The following CLDN10 variants were observed in gnomAD, a reference collection of about 807,000 sequenced individuals.
CLDN10 encodes claudin-10.
In CLDN10, 15 loss-of-function variants were observed where a neutral mutation model predicts 22.9. That is an observed-to-expected ratio of 0.65 (90% CI 0.44 to 1.01). The LOEUF is 1.01. CLDN10 is among the 50% of genes least tolerant of loss of function. The probability of loss-of-function intolerance (pLI) is 0.00; values close to 1 mark genes in which losing one functional copy is unlikely to be tolerated. For missense variants in CLDN10, 247 were observed against 287.8 expected (o/e 0.86, Z 1.03); for synonymous variants, 114 against 111.4 (o/e 1.02, Z -0.15).
chr13:95,471,246 G>A (rs147106365), intron 1 of CLDN10, among the ~76,000 whole-genome samples: 2 of 152,100 alleles, frequency 1.3e-5, no homozygotes, highest in African/African-American at 2.4e-5. Context: ...TGGAGTGACT[G>A]TCTCGAGATG....
intron 1 of CLDN10, among the ~76,000 whole-genome samples, chr13:95,498,084 C>T (rs2042946766): frequency 6.6e-6 from 1 of 152,108 alleles, no homozygotes; most frequent in Admixed American, 6.5e-5. Flanking sequence ...TTAACAGATC[C>T]CAGGAGCATT....
At chr13:95,549,876 G>A (rs1187996979), upstream of CLDN10, among the ~76,000 whole-genome samples, 1 of 152,188 alleles carries the variant, frequency 6.6e-6, no homozygotes, top group African/African-American at 2.4e-5. Context: ...TCCCTTTTAA[G>A]TTGAAATTGT....
At chr13:95,499,052 G>A (rs2042956451) in intron 1 of CLDN10, among the ~76,000 whole-genome samples, 1 of 152,194 alleles carries the variant, frequency 6.6e-6, no homozygotes, top group Non-Finnish European at 1.5e-5. Context: ...ATGAGTCAGA[G>A]CTTCCTTGCT....
At chr13:95,434,101 C>A in intron 1 of CLDN10, 1 of 1,503,646 alleles carries the variant, frequency 6.7e-7, no homozygotes, top group Non-Finnish European at 9.2e-7. Context: ...TTCCCCCCGA[C>A]TGTGCTGAAG....
At chr13:95,526,649 A>G (rs1182896918) in intron 1 of CLDN10, among the ~76,000 whole-genome samples, 1 of 152,118 alleles carries the variant, frequency 6.6e-6, no homozygotes, top group Non-Finnish European at 1.5e-5. Context: ...TTAGACAGGC[A>G]TGATGGTGGG....
upstream of CLDN10, chr13:95,552,707 C>T: frequency 6.4e-7 from 1 of 1,555,368 alleles, no homozygotes; most frequent in Non-Finnish European, 8.7e-7. Flanking sequence ...GCGGGGGTCG[C>T]GGCGCAGAGT....
intron 1 of CLDN10, among the ~76,000 whole-genome samples, chr13:95,500,686 TG>T (rs2042975622): frequency 6.6e-6 from 1 of 152,144 alleles, no homozygotes; most frequent in African/African-American, 2.4e-5. Context: ...GCATGAGTGA[TG>T]ATCAGTGAAT....
chr13:95,493,452 A>G (rs2042896995), intron 1 of CLDN10, among the ~76,000 whole-genome samples: 1 of 151,814 alleles, frequency 6.6e-6, no homozygotes. Flanking sequence ...GACCCATTAG[A>G]TGGTAACTCC....
intron 1 of CLDN10, among the ~76,000 whole-genome samples, chr13:95,485,993 C>T (rs893720856): frequency 6.6e-6 from 1 of 152,162 alleles, no homozygotes; most frequent in Non-Finnish European, 1.5e-5. Context: ...ATGCTGTGGT[C>T]CAGTGATCCC....
At chr13:95,493,786 C>T (rs2042901046) in intron 1 of CLDN10, among the ~76,000 whole-genome samples, 1 of 152,162 alleles carries the variant, frequency 6.6e-6, no homozygotes, top group Admixed American at 6.5e-5. Context: ...TCTCAAACTT[C>T]TGGCCTCAAG....
At chr13:95,531,351 A>G (rs1218603394) in intron 1 of CLDN10, among the ~76,000 whole-genome samples, 4 of 152,334 alleles carry the variant, frequency 2.6e-5, no homozygotes, top group African/African-American at 7.2e-5. Context: ...TTGATTAGCA[A>G]TATGAAAGTT....
intron 1 of CLDN10, among the ~76,000 whole-genome samples, chr13:95,541,698 A>G (rs1425990000): frequency 1.3e-5 from 2 of 152,188 alleles, no homozygotes; most frequent in East Asian, 1.9e-4. Flanking sequence ...GGCCCAATCA[A>G]ATGTAAATGA....
At chr13:95,506,695 A>AT (rs1450334635) in intron 1 of CLDN10, among the ~76,000 whole-genome samples, 1 of 152,148 alleles carries the variant, frequency 6.6e-6, no homozygotes, top group African/African-American at 2.4e-5. Context: ...ACACTGTCTG[A>AT]TTTCTTTACT....
intron 1 of CLDN10, among the ~76,000 whole-genome samples, chr13:95,509,335 T>G (rs1263190435): frequency 6.6e-6 from 1 of 152,192 alleles, no homozygotes; most frequent in Non-Finnish European, 1.5e-5. Flanking sequence ...CAATGGCAAG[T>G]GTATGAAGAC....
intron 1 of CLDN10, among the ~76,000 whole-genome samples, chr13:95,526,519 T>C (rs555486922): frequency 2.0e-5 from 3 of 152,328 alleles, no homozygotes; most frequent in Admixed American, 6.5e-5. Flanking sequence ...GTCTCTTGTA[T>C]ACGGAGTTTA....
At chr13:95,446,929 C>T (rs1351205454) in intron 1 of CLDN10, among the ~76,000 whole-genome samples, 1 of 152,180 alleles carries the variant, frequency 6.6e-6, no homozygotes, top group Admixed American at 6.5e-5. Flanking sequence ...AAGAAGCCCA[C>T]AGTGTATGCC....
At chr13:95,471,349 T>C (rs916924718) in intron 1 of CLDN10, among the ~76,000 whole-genome samples, 1 of 131,628 alleles carries the variant, frequency 7.6e-6, no homozygotes, top group African/African-American at 2.8e-5. Flanking sequence ...CTCTGACTTA[T>C]GGATATATAT....
At chr13:95,500,198 CCA>C in intron 1 of CLDN10, among the ~76,000 whole-genome samples, 1 of 54,246 alleles carries the variant, frequency 1.8e-5, no homozygotes, top group Non-Finnish European at 5.8e-5. Context: ...AGTCTACATT[CCA>C]TTCTATTGAA....
At chr13:95,542,926 T>C (rs2043473761) in intron 1 of CLDN10, among the ~76,000 whole-genome samples, 1 of 152,146 alleles carries the variant, frequency 6.6e-6, no homozygotes, top group Admixed American at 6.5e-5. Context: ...CCAGTATATA[T>C]GGAGATGTAA....
Sources: allele counts gnomAD v4.1 joint callset (sites outside exome capture counted in the v4.1 genomes callset), GRCh38; gene constraint gnomAD v4.1.1; transcripts MANE v1.5; gene names NCBI Gene and HGNC (gene_info 2026-07-23, HGNC 2026-07-21).